ESR1: variants seen among roughly 807,000 people sequenced by gnomAD.
ESR1 encodes estrogen receptor 1, also known as estrogen receptor.
A neutral mutation model predicts 52.7 loss-of-function variants in ESR1; 12 were observed. The observed-to-expected ratio is 0.23, with a 90% confidence interval of 0.15 to 0.37. The LOEUF (loss-of-function observed/expected upper bound fraction) is 0.37. ESR1 is among the 10% of genes least tolerant of loss of function. The pLI, the probability that ESR1 is intolerant of heterozygous loss-of-function variation, is 1.00. For missense variants in ESR1, 584 were observed against 779.7 expected (o/e 0.75, Z 2.99); for synonymous variants, 305 against 316.8 (o/e 0.96, Z 0.39).
At chr6:151,662,864 T>C (rs1036022260) in intron 1 of ESR1, among the ~76,000 whole-genome samples, 1 of 152,244 alleles carries the variant, frequency 6.6e-6, no homozygotes, top group African/African-American at 2.4e-5. Context: ...CGTTCCCATG[T>C]TTGTCTGGAA....
At chr6:152,044,248 T>C (rs1227660356) in intron 5 of ESR1, among the ~76,000 whole-genome samples, 2 of 152,154 alleles carry the variant, frequency 1.3e-5, no homozygotes, top group Non-Finnish European at 2.9e-5. Flanking sequence ...CTATCAGTGT[T>C]CTCCACACTA....
chr6:151,822,194 T>A (rs562003372), intron 1 of ESR1, among the ~76,000 whole-genome samples: 1 of 152,300 alleles, frequency 6.6e-6, no homozygotes, highest in African/African-American at 2.4e-5. Flanking sequence ...TGTAAAGAGA[T>A]AATGTAGGGA....
chr6:152,006,781 T>C (rs2042366192), intron 4 of ESR1, among the ~76,000 whole-genome samples: 1 of 152,136 alleles, frequency 6.6e-6, no homozygotes, highest in Non-Finnish European at 1.5e-5. Flanking sequence ...TTGGAGAACA[T>C]TGGGGTCATC....
chr6:151,912,817 G>A (rs1798472972), intron 3 of ESR1, among the ~76,000 whole-genome samples: 1 of 152,112 alleles, frequency 6.6e-6, no homozygotes, highest in South Asian at 2.1e-4. Context: ...ACTAACACAG[G>A]AACAGAAAAC....
intron 5 of ESR1, among the ~76,000 whole-genome samples, chr6:152,030,639 A>C (rs1158348472): frequency 6.6e-6 from 1 of 152,208 alleles, no homozygotes; most frequent in Non-Finnish European, 1.5e-5. Flanking sequence ...TTCATAAAGC[A>C]AGTCCTTAGT....
chr6:151,808,000 C>G lies in ESR1; in HGVS notation c.88C>G (p.Gln30Glu). Reference protein sequence around the residue: ...GNELEPLNRPQLKIPLERPLG... With the variant: ...GNELEPLNRPELKIPLERPLG... ...CGAGCTGGAGCCCCTGAACCGTCCG[C>G]AGCTCAAGATCCCCCTGGAGCGGCC... The change falls in exon 1 of 8, where the codon CAG (glutamine) becomes GAG (glutamate). Residue 30 changes from glutamine to glutamate, a missense_variant. By Grantham distance (29) the Gln-to-Glu change is conservative (BLOSUM62 2). This residue lies in a region of ESR1 where 251 missense variants were observed against 246.1 expected (regional missense o/e 1.02). Coordinates refer to ENST00000206249, the MANE Select transcript of ESR1 (RefSeq NM_000125.4). 1 of 1,613,950 alleles carries G rather than the reference C, an allele frequency of 6.2e-7. No homozygotes were observed. The highest frequency in any genetic ancestry group is 8.5e-7 in the Non-Finnish European group (1 of 1,179,964).
chr6:151,864,144 C>T (rs995443557), intron 2 of ESR1, among the ~76,000 whole-genome samples: 1 of 152,052 alleles, frequency 6.6e-6, no homozygotes, highest in African/African-American at 2.4e-5. Flanking sequence ...TACCATCAGA[C>T]TGAACAGGCA....
chr6:152,106,350 T>C (rs1250684954), downstream of ESR1, among the ~76,000 whole-genome samples: 2 of 152,236 alleles, frequency 1.3e-5, no homozygotes, highest in African/African-American at 2.4e-5. Flanking sequence ...CCAATTCCAG[T>C]GTGCCTCATT....
chr6:151,814,234 CA>C (rs1779270343), intron 1 of ESR1: 1 of 152,150 alleles, frequency 6.6e-6, no homozygotes, highest in African/African-American at 2.4e-5. Context: ...TAGTTTCCTG[CA>C]ATTAAATGAT....
intron 2 of ESR1, among the ~76,000 whole-genome samples, chr6:151,787,703 G>A (rs1172933287): frequency 7.2e-5 from 11 of 152,148 alleles, no homozygotes; most frequent in African/African-American, 2.7e-4. Flanking sequence ...TTTGTGTCCT[G>A]AGAGTTTGCT....
chr6:152,127,092 A>G (rs553435447), exon 7 of ESR1: 1 of 152,320 alleles, frequency 6.6e-6, no homozygotes, highest in African/African-American at 2.4e-5. Context: ...GTTAGGACCC[A>G]GGTCTTCTTT....
intron 6 of ESR1, among the ~76,000 whole-genome samples, chr6:152,071,088 G>A (rs2048315030): frequency 1.0e-5 from 1 of 95,382 alleles, no homozygotes; most frequent in African/African-American, 7.8e-5. Context: ...TGGTTTATGT[G>A]AGGCATAGGG....
At chr6:151,664,863 G>A (rs1777766548) in intron 1 of ESR1, among the ~76,000 whole-genome samples, 1 of 152,124 alleles carries the variant, frequency 6.6e-6, no homozygotes, top group Non-Finnish European at 1.5e-5. Flanking sequence ...TTCCTGAATT[G>A]AGAACGAGGT....
At chr6:151,673,763 T>G (rs1254752648) in intron 1 of ESR1, among the ~76,000 whole-genome samples, 1 of 152,072 alleles carries the variant, frequency 6.6e-6, no homozygotes, top group Non-Finnish European at 1.5e-5. Context: ...GCAAATGTAT[T>G]GCCAGCTACT....
Position 151,789,864 on chromosome 6 carries a change from C to G in ESR1, c.-70-17979C>G, listed in dbSNP as rs1339424954. On this transcript the variant is annotated intron_variant, in intron 2 of 2. Coordinates refer to the ESR1 transcript ENST00000404742. The stretch of plus-strand genomic sequence containing the variant: ...CTCCCATTTATTTGTCTTTGTGCAT[C>G]TTAAAGCCAGCCTGAATTTCTACTC... Among the ~76,000 whole-genome samples the G allele has an allele frequency of 2.0e-5, 3 of 152,114 alleles. No individual in the cohort carries two copies. The East Asian group carries it at 5.8e-4, about 29-fold the overall frequency.
At chr6:151,834,514 C>A (rs535252319) in intron 1 of ESR1, among the ~76,000 whole-genome samples, 1 of 152,206 alleles carries the variant, frequency 6.6e-6, no homozygotes, top group African/African-American at 2.4e-5. Flanking sequence ...CACATGGACA[C>A]AGGGACGGGA....
At chr6:151,948,823 A>T (rs1461743064) in intron 4 of ESR1, among the ~76,000 whole-genome samples, 1 of 152,154 alleles carries the variant, frequency 6.6e-6, no homozygotes, top group Admixed American at 6.6e-5. Context: ...GAGTTATTCC[A>T]GGGCTCAAGG....
chr6:151,678,920 T>C (rs1045094643), intron 1 of ESR1, among the ~76,000 whole-genome samples: 2 of 151,904 alleles, frequency 1.3e-5, no homozygotes, highest in African/African-American at 4.8e-5. Context: ...CTCCTGACCT[T>C]GTGATCCACC....
chr6:151,897,506 C>T (rs1186134130), intron 3 of ESR1, among the ~76,000 whole-genome samples: 1 of 152,186 alleles, frequency 6.6e-6, no homozygotes, highest in Non-Finnish European at 1.5e-5. Flanking sequence ...GCTACTCCTA[C>T]TTGCTTTTGG....
Sources: allele counts gnomAD v4.1 joint callset (sites outside exome capture counted in the v4.1 genomes callset), GRCh38; gene constraint gnomAD v4.1.1; regional missense constraint gnomAD v4.1.1; transcripts MANE v1.5; gene names NCBI Gene and HGNC (gene_info 2026-07-23, HGNC 2026-07-21).